Variants in ASH1L observed in about 807,000 individuals in gnomAD.
ASH1L encodes ASH1 like histone lysine methyltransferase, also known as histone-lysine N-methyltransferase ASH1L.
ASH1L carries 23 observed loss-of-function variants against 269.0 expected under a neutral mutation model. That is an observed-to-expected ratio of 0.09 (90% confidence interval 0.06 to 0.12). The LOEUF is 0.12. Among genes scored for constraint, ASH1L ranks in the 10% least tolerant of loss-of-function variants. The probability of loss-of-function intolerance (pLI) is 1.00; values close to 1 mark genes in which losing one functional copy is unlikely to be tolerated. For missense variants in ASH1L, 2,912 were observed against 3,567.8 expected, an observed-to-expected ratio of 0.82 and a Z score of 4.68; for synonymous variants, 1,187 against 1,253.5, an observed-to-expected ratio of 0.95 and a Z score of 1.12.
At chr1:155,512,071 C>G (rs1385650167) in intron 2 of ASH1L, among the ~76,000 whole-genome samples, 3 of 151,768 alleles carry the variant, frequency 2.0e-5, no homozygotes, top group Non-Finnish European at 4.4e-5. Flanking sequence ...CTGGGTCTCC[C>G]AAAGTGCTGG....
chr1:155,476,588 G>T (rs1187045871), intron 3 of ASH1L, among the ~76,000 whole-genome samples: 1 of 150,414 alleles, frequency 6.6e-6, no homozygotes, highest in African/African-American at 2.4e-5. Context: ...GTCTCGCTCT[G>T]TTGCCCAGGC....
intron 2 of ASH1L, among the ~76,000 whole-genome samples, chr1:155,511,602 C>T (rs1055110165): frequency 1.3e-4 from 20 of 152,086 alleles, no homozygotes; most frequent in Admixed American, 2.6e-4. Context: ...GCCTCCCGGG[C>T]TGAAGTGATT....
chr1:155,524,467 A>C (rs1669103502), intron 1 of ASH1L, among the ~76,000 whole-genome samples: 1 of 150,024 alleles, frequency 6.7e-6, no homozygotes. Flanking sequence ...GCTTGCAGTG[A>C]GCCGAGATTG....
chr1:155,433,268 G>A (rs1661756117), intron 5 of ASH1L: 1 of 1,561,586 alleles, frequency 6.4e-7, no homozygotes, highest in Non-Finnish European at 8.7e-7. Context: ...GCCGGGCTGG[G>A]TTGATCCTCG....
At chr1:155,367,679 AT>A (rs1655558526) in intron 12 of ASH1L, among the ~76,000 whole-genome samples, 1 of 152,160 alleles carries the variant, frequency 6.6e-6, no homozygotes, top group Non-Finnish European at 1.5e-5. Context: ...ATACTGTTTA[AT>A]GCTTTTTCTG....
At chr1:155,356,736 C>A (rs1654425036) in intron 15 of ASH1L, among the ~76,000 whole-genome samples, 1 of 151,674 alleles carries the variant, frequency 6.6e-6, no homozygotes, top group Non-Finnish European at 1.5e-5. Context: ...CCTGCCTCAG[C>A]CTCCTGAGTA....
At chr1:155,433,788 T>C (rs747634432) in intron 5 of ASH1L, 1 of 1,606,340 alleles carries the variant, frequency 6.2e-7, no homozygotes, top group South Asian at 1.1e-5. Context: ...CTGCGGCCCT[T>C]GCTGCAGAAG....
chr1:155,418,345 T>G (rs184222285), intron 5 of ASH1L, among the ~76,000 whole-genome samples: 1 of 152,136 alleles, frequency 6.6e-6, no homozygotes, highest in Non-Finnish European at 1.5e-5. Context: ...TATTGAGAAT[T>G]GATAAATACG....
chr1:155,440,461 G>T (rs530529692), intron 4 of ASH1L: 1 of 419,006 alleles, frequency 2.4e-6, no homozygotes, highest in Non-Finnish European at 3.2e-6. Flanking sequence ...AACTGCGGAG[G>T]TCCTCAATAC....
At chr1:155,416,286 A>G (rs947387395) in intron 5 of ASH1L, among the ~76,000 whole-genome samples, 9 of 151,910 alleles carry the variant, frequency 5.9e-5, no homozygotes, top group South Asian at 2.1e-4. Context: ...GCACGCCACC[A>G]GTTTTGTATT....
chr1:155,552,381 G>A (rs1336533100), intron 1 of ASH1L, among the ~76,000 whole-genome samples: 2 of 151,994 alleles, frequency 1.3e-5, no homozygotes, highest in Non-Finnish European at 2.9e-5. Flanking sequence ...CAGGAGAATT[G>A]CTTGAGCCCA....
At chr1:155,344,503 G>T in intron 21 of ASH1L, 1 of 419,660 alleles carries the variant, frequency 2.4e-6, no homozygotes, top group East Asian at 4.0e-5. Context: ...CACTAATTGT[G>T]TAGTTGCTCT....
chr1:155,467,089 C>T (rs1664751686), intron 3 of ASH1L, among the ~76,000 whole-genome samples: 2 of 152,098 alleles, frequency 1.3e-5, no homozygotes, highest in South Asian at 4.1e-4. Context: ...TCTGCTTGTT[C>T]TATGACTTGT....
chr1:155,395,438 T>C (rs376783943), intron 7 of ASH1L, 21 bp downstream of exon 7: 15 of 1,548,572 alleles, frequency 9.7e-6, no homozygotes, highest in African/African-American at 6.9e-5. Context: ...CAGCAATACA[T>C]TGTGTGGACT....
At chr1:155,508,530 T>C (rs891161560) in intron 2 of ASH1L, among the ~76,000 whole-genome samples, 5 of 152,050 alleles carry the variant, frequency 3.3e-5, no homozygotes, top group African/African-American at 1.2e-4. Flanking sequence ...TCCCAGCTAC[T>C]CAGGAGGCTG....
rs1672042197 is a variant in ASH1L, at chr1:155,562,275, G to A, written c.-222C>T. 6.2e-7 allele frequency: 1 copy of A among 1,608,084 alleles called. No homozygotes were observed. Among genetic ancestry groups the A allele is most frequent in the South Asian group, 1.1e-5 (1 of 90,944 alleles). On this transcript the variant is annotated 5_prime_UTR_variant, in exon 1 of 28. Coordinates refer to ENST00000392403, the MANE Select transcript of ASH1L (RefSeq NM_018489.3). ...GGCGGATCCCTCCCGCTTGTCAGGA[G>A]GCGGCCAGCGGGTAAGCTGACTGGC...
Position 155,508,276 on chromosome 1 carries a change from A to G in ASH1L, c.420+12824T>C, listed in dbSNP as rs1045080855. 2.0e-5 allele frequency among the ~76,000 whole-genome samples: 3 copies of G among 152,368 alleles called. No individual in the cohort carries two copies. In the East Asian group the frequency reaches 5.8e-4, roughly 29 times the overall value. The stretch of plus-strand genomic sequence containing the variant: ...GCATCAAAGCCAAACATAAATTTTT[A>G]GAGAAAAATTACAAGAAAGTTTTTC... On this transcript the variant is annotated intron_variant, in intron 2 of 27. Coordinates refer to ENST00000392403, the MANE Select transcript of ASH1L (RefSeq NM_018489.3).
intron 5 of ASH1L, among the ~76,000 whole-genome samples, chr1:155,429,553 C>G (rs758605353): frequency 2.6e-5 from 4 of 152,152 alleles, no homozygotes; most frequent in Non-Finnish European, 5.9e-5. Context: ...CATGATATGG[C>G]ACCCAACCTG....
rs397981613 is a variant in ASH1L at position 155,345,174 on chromosome 1, C to CTTTT, written c.7891-905_7891-902dup. On this transcript the variant is annotated intron_variant, in intron 21 of 27. Transcript: ENST00000392403. ...GTTTCACCATGTTAGCCAGGATGGTCTTTTTTTTTTTTTTTTTTTTTTTGG... is the reference window on the plus strand; with the variant it reads ...GTTTCACCATGTTAGCCAGGATGGTCTTTTTTTTTTTTTTTTTTTTTTTTTTTGG... 2.6e-3 allele frequency among the ~76,000 whole-genome samples: 165 copies of CTTTT among 64,008 alleles called. 6 individuals carry two copies. Among genetic ancestry groups the CTTTT allele is most frequent in the Non-Finnish European group, 3.2e-3 (118 of 37,294 alleles). 42.0% of individuals were successfully genotyped at this position (64,008 alleles called of 152,430 possible). A position where few individuals can be genotyped will look rare whatever the true frequency, so the allele number is the denominator to read the frequency against.
Sources: gnomAD v4.1 joint callset for allele counts (sites outside exome capture counted in the v4.1 genomes callset) on GRCh38, gnomAD v4.1.1 for gene constraint, MANE v1.5 for transcripts, NCBI Gene and HGNC (gene_info 2026-07-23, HGNC 2026-07-21) for gene names.